The following LAMA3 variants were observed in gnomAD, a reference collection of about 807,000 sequenced individuals.
LAMA3 encodes the protein laminin subunit alpha-3.
Under a neutral mutation model 402.0 loss-of-function variants are expected in LAMA3, and 281 were observed. That is an observed-to-expected ratio of 0.70 (90% confidence interval 0.63 to 0.77). LAMA3 has a LOEUF of 0.77. LAMA3 is among the 30% of genes least tolerant of loss of function. LAMA3 has a pLI of 0.00. For missense variants in LAMA3, 3,840 were observed against 4,215.5 expected (o/e 0.91, Z 2.47); for synonymous variants, 1,431 against 1,558.4 (o/e 0.92, Z 1.93).
At chr18:23,951,366 A>G (rs2082901208) in intron 72 of LAMA3, among the ~76,000 whole-genome samples, 1 of 151,512 alleles carries the variant, frequency 6.6e-6, no homozygotes, top group Admixed American at 6.8e-5. Flanking sequence ...ATTAATTGCT[A>G]AGGAGGATTC....
rs140621439 is a variant in LAMA3 at position 23,953,516 on chromosome 18, G to A, written c.9856+407G>A. Among the ~76,000 whole-genome samples, 1,310 of 151,726 alleles carry A rather than the reference G, an allele frequency of 8.6e-3. 10 individuals carry two copies. Among genetic ancestry groups the A allele is most frequent in the Middle Eastern group, 0.071 (21 of 294 alleles). ...GCCACCACGCCTGGATAATTTTTGT[G>A]TTTTTAGTAGAGGCAGGGTTTTGCT... On this transcript the variant is annotated intron_variant, in intron 74 of 74. Coordinates refer to ENST00000313654, the MANE Select transcript of LAMA3 (RefSeq NM_198129.4).
chr18:23,734,281 A>G (rs188769175), intron 2 of LAMA3, among the ~76,000 whole-genome samples: 202 of 152,234 alleles, frequency 1.3e-3, no homozygotes, highest in African/African-American at 4.6e-3. Flanking sequence ...TTTAACAGAA[A>G]ACGGGACCAT....
At chr18:23,728,678 T>G (rs2061338722) in intron 2 of LAMA3, among the ~76,000 whole-genome samples, 1 of 152,198 alleles carries the variant, frequency 6.6e-6, no homozygotes, top group African/African-American at 2.4e-5. Context: ...CGCAGCCTTC[T>G]GACTTGCTTT....
intron 41 of LAMA3, among the ~76,000 whole-genome samples, chr18:23,885,616 G>T (rs2065049429): frequency 2.0e-5 from 3 of 151,892 alleles, no homozygotes; most frequent in Admixed American, 2.0e-4. Context: ...TACTGAGAAA[G>T]ATATAAAAGA....
intron 2 of LAMA3, 95 bp from the exon 3 acceptor site, chr18:23,747,848 G>A (rs1318211305): frequency 5.1e-6 from 4 of 789,456 alleles, no homozygotes; most frequent in Non-Finnish European, 9.1e-6. Context: ...ATTGTGGTGG[G>A]ACGTGTTGCC....
Position 23,895,028 on chromosome 18 carries a change from G to A in LAMA3, c.5583G>A (p.Arg1861=). The A allele has an allele frequency of 6.2e-7, 1 of 1,609,272 alleles. No homozygotes were observed. The highest frequency in any genetic ancestry group is 8.5e-7 in the Non-Finnish European group (1 of 1,177,852). ...GCGCAGGGCTTCTGGAGCAGATGAG[G>A]CACATGGAGACCCAGGCCAAGGACC... is the stretch of plus-strand genomic sequence containing the variant. ...SASAGLLEQM[R]HMETQAKDLR... is the part of the protein sequence containing the mutation. The change falls in exon 44 of 75, where the codon AGG becomes AGA. Residue 1861 remains arginine, a synonymous_variant. Coordinates refer to ENST00000313654, the MANE Select transcript of LAMA3 (RefSeq NM_198129.4).
chr18:23,794,038 G>A (rs184308193), intron 12 of LAMA3, among the ~76,000 whole-genome samples: 41 of 152,362 alleles, frequency 2.7e-4, no homozygotes, highest in African/African-American at 9.9e-4. Context: ...GACGAGATAT[G>A]GGGGAAGAGA....
intron 1 of LAMA3, among the ~76,000 whole-genome samples, chr18:23,713,059 GA>G (rs1234529095): frequency 1.3e-5 from 2 of 152,116 alleles, no homozygotes; most frequent in African/African-American, 4.8e-5. Flanking sequence ...AGAATCAAAA[GA>G]ATCTGCCTAG....
intron 2 of LAMA3, among the ~76,000 whole-genome samples, chr18:23,728,318 G>A (rs2061333025): frequency 6.6e-6 from 1 of 152,090 alleles, no homozygotes; most frequent in African/African-American, 2.4e-5. Context: ...TGCTCAGGGG[G>A]TAGGAGGGCA....
intron 33 of LAMA3, 106 bp downstream of exon 33, chr18:23,858,094 G>C (rs979901178): frequency 3.8e-6 from 5 of 1,323,014 alleles, no homozygotes; most frequent in Non-Finnish European, 5.4e-6. Flanking sequence ...TGACCCGTAA[G>C]AGATGTTGAT....
chr18:23,852,899 A>T (rs933410580), intron 32 of LAMA3, among the ~76,000 whole-genome samples: 4 of 151,966 alleles, frequency 2.6e-5, no homozygotes, highest in South Asian at 4.2e-4. Context: ...CTCCTCTCCT[A>T]CTACCCCCAA....
intron 8 of LAMA3, among the ~76,000 whole-genome samples, chr18:23,764,108 A>G (rs2062029030): frequency 1.3e-5 from 2 of 152,082 alleles, no homozygotes. Context: ...CTACATTGTC[A>G]TTCTTTCTTG....
chr18:23,927,894 CATT>C (rs1251332937), intron 62 of LAMA3, among the ~76,000 whole-genome samples: 1 of 152,092 alleles, frequency 6.6e-6, no homozygotes, highest in Non-Finnish European at 1.5e-5. Context: ...CTTCTGTTAA[CATT>C]GTTGTCTGCA....
At chr18:23,861,878 G>C in intron 35 of LAMA3, 71 bp downstream of exon 35, 1 of 1,471,316 alleles carries the variant, frequency 6.8e-7, no homozygotes, top group East Asian at 2.4e-5. Context: ...ATCATTTCCT[G>C]GAAATCTGGA....
intron 16 of LAMA3, 38 bp from the exon 17 acceptor site, chr18:23,815,430 T>C: frequency 6.5e-7 from 1 of 1,535,602 alleles, no homozygotes; most frequent in Non-Finnish European, 9.0e-7. Context: ...AATTCTGTAA[T>C]TATATCAAAT....
At position 23,950,464 on chromosome 18, in the gene LAMA3, C is replaced by T. The variant is rs905656369; in HGVS notation, c.9642+305C>T. On this transcript the variant is annotated intron_variant, in intron 72 of 74. Coordinates refer to ENST00000313654, the MANE Select transcript of LAMA3 (RefSeq NM_198129.4). ...CTTATCTGTAAAATGTAGATAATAA[C>T]TCTTATAACTTAAGGCTTTTGTCAA... 8.5e-5 allele frequency among the ~76,000 whole-genome samples: 13 copies of T among 152,288 alleles called. 1 individual carries two copies. Among genetic ancestry groups the T allele is most frequent in the South Asian group, 4.1e-4 (2 of 4,826 alleles).
chr18:23,749,996 G>A (rs1399746783), intron 4 of LAMA3, among the ~76,000 whole-genome samples: 11 of 152,176 alleles, frequency 7.2e-5, no homozygotes, highest in African/African-American at 2.7e-4. Context: ...AGGACTCTGA[G>A]GTCCTACAGA....
chr18:23,898,624 G>A (rs1034877967), intron 44 of LAMA3, 114 bp from the exon 45 acceptor site: 5 of 752,864 alleles, frequency 6.6e-6, no homozygotes, highest in African/African-American at 5.1e-5. Context: ...TTGTGTGTGT[G>A]TGGAACTGAA....
chr18:23,827,107 G>T (rs532905602), intron 22 of LAMA3, among the ~76,000 whole-genome samples: 1 of 152,286 alleles, frequency 6.6e-6, no homozygotes, highest in South Asian at 2.1e-4. Context: ...TAGAAGCCAG[G>T]TTTGTGGACC....
Sources: gnomAD v4.1 joint callset for allele counts (sites outside exome capture counted in the v4.1 genomes callset) on GRCh38, gnomAD v4.1.1 for gene constraint, MANE v1.5 for transcripts, NCBI Gene and HGNC (gene_info 2026-07-23, HGNC 2026-07-21) for gene names.